Variants in IL1RAPL1 observed in about 807,000 individuals in gnomAD.
IL1RAPL1 encodes interleukin-1 receptor accessory protein-like 1.
A neutral mutation model predicts 48.4 loss-of-function variants in IL1RAPL1; 3 were observed. The observed-to-expected ratio is 0.06, with a 90% CI of 0.03 to 0.16. The LOEUF (loss-of-function observed/expected upper bound fraction) is 0.16, where lower values mean the gene tolerates loss of function less well. IL1RAPL1 is among the 10% of genes least tolerant of loss of function. IL1RAPL1 has a pLI of 1.00. For missense variants in IL1RAPL1, 349 were observed against 530.6 expected, an observed-to-expected ratio of 0.66 and a Z score of 3.36; for synonymous variants, 185 against 187.7, an observed-to-expected ratio of 0.99 and a Z score of 0.12.
chrX:29,643,410 T>G (rs2147086641), intron 5 of IL1RAPL1, among the ~76,000 whole-genome samples: 1 of 112,235 alleles, frequency 8.9e-6, no homozygotes, highest in African/African-American at 3.2e-5. Flanking sequence ...AGTGCTTTCA[T>G]GCTAGGTTAA....
chrX:29,490,850 G>GTA (rs71922699), intron 5 of IL1RAPL1, among the ~76,000 whole-genome samples: 45,576 of 98,680 alleles, frequency 0.46, 8,822 homozygotes, highest in East Asian at 0.67. Flanking sequence ...GTGTGTGTGT[G>GTA]TGTATATATA....
chrX:29,520,693 C>T (rs186446203), intron 5 of IL1RAPL1, among the ~76,000 whole-genome samples: 13 of 111,310 alleles, frequency 1.2e-4, no homozygotes, highest in Non-Finnish European at 3.8e-5. Context: ...TGTTCTTGCT[C>T]CCAAATAACA....
intron 5 of IL1RAPL1, among the ~76,000 whole-genome samples, chrX:29,433,983 CTGACTTCA>C (rs1352808452): frequency 9.1e-6 from 1 of 109,928 alleles, no homozygotes; most frequent in African/African-American, 3.3e-5. Flanking sequence ...TTCTTCTGAA[CTGACTTCA>C]TATAAAAATA....
intron 6 of IL1RAPL1, among the ~76,000 whole-genome samples, chrX:29,746,587 A>G (rs986997559): frequency 9.0e-6 from 1 of 111,666 alleles, no homozygotes; most frequent in South Asian, 3.8e-4. Context: ...TTAGTAGCAG[A>G]CAGTGCAGGA....
Position 29,419,840 on chromosome X carries a change from T to C in IL1RAPL1, c.703+20532T>C, listed in dbSNP as rs1022876989. ...ATTTCTGTACTTTGGAAATAGTTTC[T>C]AGTGGGTGGGTGTGGCAGAGGAGAC... On this transcript the variant is annotated intron_variant, in intron 5 of 10. Transcript: ENST00000378993. Among the ~76,000 whole-genome samples, 25 of 111,429 alleles carry C rather than the reference T, an allele frequency of 2.2e-4. 1 individual carries two copies. Among genetic ancestry groups the C allele is most frequent in the African/African-American group, 6.9e-4 (21 of 30,585 alleles).
At chrX:29,301,262 G>A (rs183693873) in intron 3 of IL1RAPL1, among the ~76,000 whole-genome samples, 1 of 111,536 alleles carries the variant, frequency 9.0e-6, no homozygotes, top group Non-Finnish European at 1.9e-5. Flanking sequence ...GATCTTAAAA[G>A]AACTATAGTT....
At chrX:29,737,560 C>A (rs1407151855) in intron 6 of IL1RAPL1, among the ~76,000 whole-genome samples, 1 of 111,721 alleles carries the variant, frequency 9.0e-6, no homozygotes, top group Non-Finnish European at 1.9e-5. Context: ...AGAAAATAAA[C>A]CATAAGGGTC....
chrX:28,978,999 G>GA (rs1925268786), intron 2 of IL1RAPL1, among the ~76,000 whole-genome samples: 1 of 111,820 alleles, frequency 8.9e-6, no homozygotes, highest in African/African-American at 3.3e-5. Flanking sequence ...GTGGAGGTCA[G>GA]AAAGTGTGAT....
chrX:28,614,480 A>C (rs1319832935), intron 1 of IL1RAPL1, among the ~76,000 whole-genome samples: 1 of 111,602 alleles, frequency 9.0e-6, no homozygotes, highest in East Asian at 2.8e-4. Context: ...CTTTCATTAT[A>C]GGGCATTAAT....
intron 1 of IL1RAPL1, among the ~76,000 whole-genome samples, chrX:28,635,673 A>G (rs925961542): frequency 2.7e-5 from 3 of 111,768 alleles, no homozygotes; most frequent in Non-Finnish European, 3.8e-5. Context: ...TATATTTTCA[A>G]CTTACAATGA....
At chrX:29,078,068 G>A (rs933035452) in intron 2 of IL1RAPL1, among the ~76,000 whole-genome samples, 1 of 111,914 alleles carries the variant, frequency 8.9e-6, no homozygotes, top group Admixed American at 9.4e-5. Context: ...ACCTGAGGTC[G>A]GGACCAGCCT....
At chrX:29,212,936 G>A (rs760143563) in intron 2 of IL1RAPL1, among the ~76,000 whole-genome samples, 55 of 111,983 alleles carry the variant, frequency 4.9e-4, no homozygotes, top group Admixed American at 1.4e-3. Flanking sequence ...ATGTGTAAAT[G>A]GACCCGTGCA....
chrX:29,325,075 CT>C (rs1001449801), intron 3 of IL1RAPL1, among the ~76,000 whole-genome samples: 1 of 111,845 alleles, frequency 8.9e-6, no homozygotes, highest in African/African-American at 3.2e-5. Context: ...AAATTATTCA[CT>C]TGAACAGATT....
intron 2 of IL1RAPL1, among the ~76,000 whole-genome samples, chrX:29,027,701 G>A (rs775663780): frequency 9.0e-6 from 1 of 111,386 alleles, no homozygotes; most frequent in Non-Finnish European, 1.9e-5. Context: ...CCAGTATATG[G>A]TGTTGTCAGT....
intron 2 of IL1RAPL1, among the ~76,000 whole-genome samples, chrX:29,186,954 C>T (rs1930263582): frequency 9.0e-6 from 1 of 110,550 alleles, no homozygotes; most frequent in South Asian, 3.9e-4. Flanking sequence ...GGGAACACCA[C>T]ACACTCGAGC....
chrX:28,649,750 C>T (rs934320722), intron 1 of IL1RAPL1, among the ~76,000 whole-genome samples: 13 of 112,294 alleles, frequency 1.2e-4, no homozygotes, highest in African/African-American at 3.2e-4. Flanking sequence ...TGTTGAGTCA[C>T]TTCAGGGTGA....
At chrX:29,502,168 G>T (rs746124876) in intron 5 of IL1RAPL1, among the ~76,000 whole-genome samples, 158 of 110,682 alleles carry the variant, frequency 1.4e-3, no homozygotes, top group African/African-American at 4.5e-3. Flanking sequence ...TATTTATTTG[G>T]TTTTTTTGTA....
chrX:28,739,649 CTG>C (rs1935884843), intron 1 of IL1RAPL1, among the ~76,000 whole-genome samples: 1 of 111,624 alleles, frequency 9.0e-6, no homozygotes, highest in South Asian at 3.7e-4. Context: ...AATGTACACT[CTG>C]TGCATTAGAC....
chrX:29,164,722 TCA>T (rs1223016802), intron 2 of IL1RAPL1, among the ~76,000 whole-genome samples: 1 of 112,083 alleles, frequency 8.9e-6, no homozygotes, highest in Non-Finnish European at 1.9e-5. Flanking sequence ...ATTTTTTCAC[TCA>T]CAGACTTTTT....
Sources: gnomAD v4.1 joint callset for allele counts (sites outside exome capture counted in the v4.1 genomes callset) on GRCh38, gnomAD v4.1.1 for gene constraint, MANE v1.5 for transcripts, NCBI Gene and HGNC (gene_info 2026-07-23, HGNC 2026-07-21) for gene names.